Variants in PBX1 observed in about 807,000 individuals in gnomAD.
PBX1 encodes the protein pre-B-cell leukemia transcription factor 1.
Under a neutral mutation model 53.4 loss-of-function variants are expected in PBX1, and 6 were observed. The observed-to-expected ratio is 0.11, with a 90% CI of 0.06 to 0.22. The LOEUF (loss-of-function observed/expected upper bound fraction) is 0.22, where lower values mean the gene tolerates loss of function less well. Ranked by LOEUF, PBX1 falls within the 10% of genes least tolerant of loss-of-function variation. The pLI, the probability that PBX1 is intolerant of heterozygous loss-of-function variation, is 1.00. For missense variants in PBX1, 251 were observed against 551.4 expected, an observed-to-expected ratio of 0.46 and a Z score of 5.46; for synonymous variants, 204 against 212.3, an observed-to-expected ratio of 0.96 and a Z score of 0.34.
At chr1:164,577,330 T>C (rs1413498872) in intron 2 of PBX1, among the ~76,000 whole-genome samples, 1 of 152,208 alleles carries the variant, frequency 6.6e-6, no homozygotes, top group African/African-American at 2.4e-5. Flanking sequence ...CAGACATAGC[T>C]AGTTTCTTAT....
intron 1 of PBX1, 121 bp downstream of exon 1, chr1:164,560,134 C>T (rs1652924098): frequency 1.3e-6 from 1 of 765,134 alleles, no homozygotes; most frequent in South Asian, 2.5e-5. Context: ...TTTCTTTTCT[C>T]ATTTTGACAA....
chr1:164,846,468 C>G, intron 8 of PBX1, 116 bp from the exon 9 acceptor site: 2 of 843,476 alleles, frequency 2.4e-6, no homozygotes, highest in Admixed American at 3.7e-5. Flanking sequence ...TGATGAGTGT[C>G]TCCATGTGCC....
intron 8 of PBX1, among the ~76,000 whole-genome samples, chr1:164,844,095 TTTTCTTTC>T (rs201446962): frequency 1.4e-5 from 2 of 143,730 alleles, no homozygotes; most frequent in South Asian, 4.4e-4. Flanking sequence ...TACATGCCTT[TTTTCTTTC>T]TTTCTTTCTT....
chr1:164,727,371 TCAG>T, intron 2 of PBX1, among the ~76,000 whole-genome samples: 1 of 152,184 alleles, frequency 6.6e-6, no homozygotes, highest in Non-Finnish European at 1.5e-5. Flanking sequence ...TAAAACTAAA[TCAG>T]GTTATAATTC....
chr1:164,646,405 C>T (rs1659454193), intron 2 of PBX1, among the ~76,000 whole-genome samples: 1 of 152,202 alleles, frequency 6.6e-6, no homozygotes, highest in Non-Finnish European at 1.5e-5. Flanking sequence ...TTGACAGCCA[C>T]ATACATTATG....
intron 2 of PBX1, among the ~76,000 whole-genome samples, chr1:164,714,496 T>C (rs543177699): frequency 2.5e-4 from 38 of 151,982 alleles, no homozygotes; most frequent in Middle Eastern, 3.4e-3. Flanking sequence ...GCTGCAGCCT[T>C]CCTTATATCA....
chr1:164,668,689 A>T (rs1245423869), intron 2 of PBX1, among the ~76,000 whole-genome samples: 2 of 152,208 alleles, frequency 1.3e-5, no homozygotes, highest in Admixed American at 1.3e-4. Flanking sequence ...AACACTTGAC[A>T]TCTTTTTATC....
chr1:164,758,935 A>T (rs1427777636), intron 2 of PBX1, among the ~76,000 whole-genome samples: 3 of 152,152 alleles, frequency 2.0e-5, no homozygotes, highest in African/African-American at 7.2e-5. Flanking sequence ...AGGGAAAATT[A>T]AGGCAAGCAA....
At chr1:164,857,942 A>G (rs1360314199) in intron 2 of PBX1, among the ~76,000 whole-genome samples, 2 of 152,230 alleles carry the variant, frequency 1.3e-5, no homozygotes, top group East Asian at 1.9e-4. Context: ...TGTGTTAGTT[A>G]TTAGTGTGAT....
chr1:164,793,872 C>CTTTTTTTTTTTTTTT (rs72414989), intron 3 of PBX1, among the ~76,000 whole-genome samples: 2 of 78,220 alleles, frequency 2.6e-5, no homozygotes, highest in Non-Finnish European at 5.0e-5. Flanking sequence ...TTTTTCCTTT[C>CTTTTTTTTTTTTTTT]TTTTTTTTTT....
chr1:164,727,262 A>G (rs777657251), intron 2 of PBX1, among the ~76,000 whole-genome samples: 4 of 152,214 alleles, frequency 2.6e-5, no homozygotes, highest in Non-Finnish European at 5.9e-5. Context: ...CTTATGATCT[A>G]AGAAAATCTC....
chr1:164,759,330 C>G (rs543375763), intron 2 of PBX1, among the ~76,000 whole-genome samples: 114 of 152,202 alleles, frequency 7.5e-4, no homozygotes, highest in African/African-American at 2.6e-3. Flanking sequence ...AAGAATGGCT[C>G]ATTCCAAGCT....
At chr1:164,833,751 G>A (rs1571496810) in intron 8 of PBX1, among the ~76,000 whole-genome samples, 1 of 152,182 alleles carries the variant, frequency 6.6e-6, no homozygotes, top group African/African-American at 2.4e-5. Flanking sequence ...TTGTCAGTGG[G>A]TTTTGTGTGT....
At chr1:164,646,153 C>T (rs770923100) in intron 2 of PBX1, among the ~76,000 whole-genome samples, 15 of 152,086 alleles carry the variant, frequency 9.9e-5, no homozygotes, top group Admixed American at 3.3e-4. Context: ...GTTATTCAGA[C>T]CTAGTCTTTT....
chr1:164,813,845 T>C (rs1291130086), intron 6 of PBX1: 1 of 152,220 alleles, frequency 6.6e-6, no homozygotes, highest in African/African-American at 2.4e-5. Context: ...AACCCTCTAT[T>C]CTGTGTTTAA....
At chr1:164,853,168 T>C (rs149060744), downstream of PBX1, among the ~76,000 whole-genome samples, 1 of 152,298 alleles carries the variant, frequency 6.6e-6, no homozygotes, top group African/African-American at 2.4e-5. Flanking sequence ...GCTTTTCACA[T>C]CTAGCCCACA....
At chr1:164,662,817 T>G (rs1660561486) in intron 2 of PBX1, among the ~76,000 whole-genome samples, 1 of 127,318 alleles carries the variant, frequency 7.9e-6, no homozygotes, top group African/African-American at 2.7e-5. Flanking sequence ...TGCATGCATG[T>G]GAACATGTGT....
rs1458267934 is a variant in PBX1 at position 164,792,626 on chromosome 1, C to A, written c.398C>A (p.Ala133Glu). Residue 133 changes from alanine (A) to glutamate (E), a missense_variant, in exon 3 of 9, where the codon GCG becomes GAG. By Grantham distance (107) the Ala-to-Glu change is moderately radical. This residue lies in a region of PBX1 where 76 missense variants were observed against 197.5 expected (regional missense o/e 0.38). Transcript: ENST00000420696. ...GGGSAAAAAAAAASGGAGSDN... is the reference protein window; with the variant it reads ...GGGSAAAAAAEAASGGAGSDN... ...GGGTCGGCGGCAGCGGCGGCAGCGGCGGCGGCTTCTGGAGGGGCAGGTTCA... is the reference window on the plus strand; with the variant it reads ...GGGTCGGCGGCAGCGGCGGCAGCGGAGGCGGCTTCTGGAGGGGCAGGTTCA... The A allele has an allele frequency of 6.2e-7, 1 of 1,613,626 alleles. No homozygotes were observed.
chr1:164,632,110 C>G (rs1335945682), intron 2 of PBX1, among the ~76,000 whole-genome samples: 1 of 152,216 alleles, frequency 6.6e-6, no homozygotes, highest in Non-Finnish European at 1.5e-5. Context: ...ACACCACCCC[C>G]TCTCTGGACA....
Sources: allele counts gnomAD v4.1 joint callset (sites outside exome capture counted in the v4.1 genomes callset), GRCh38; gene constraint gnomAD v4.1.1; regional missense constraint gnomAD v4.1.1; transcripts MANE v1.5; gene names NCBI Gene and HGNC (gene_info 2026-07-23, HGNC 2026-07-21).